The following PAMR1 variants were observed in gnomAD, a reference collection of about 807,000 sequenced individuals.
PAMR1 encodes the protein peptidase domain containing associated with muscle regeneration 1, also known as inactive serine protease PAMR1.
Under a neutral mutation model 81.8 loss-of-function variants are expected in PAMR1, and 88 were observed. The ratio of observed to expected loss-of-function variants is 1.08; its 90% CI spans 0.91 to 1.28. PAMR1 has a LOEUF of 1.28. Among genes scored for constraint, PAMR1 ranks in the 50% most tolerant of loss-of-function variants. PAMR1 has a pLI of 0.00. For missense variants in PAMR1, 935 were observed against 919.7 expected, an observed-to-expected ratio of 1.02 and a Z score of -0.21; for synonymous variants, 336 against 345.3, an observed-to-expected ratio of 0.97 and a Z score of 0.30.
chr11:35,523,525 C>T (rs954053979), intron 1 of PAMR1, among the ~76,000 whole-genome samples: 4 of 152,230 alleles, frequency 2.6e-5, no homozygotes, highest in Non-Finnish European at 5.9e-5. Context: ...ATCCTCCCAA[C>T]ATGTGTCACA....
At chr11:35,453,341 T>A (rs1296425167) in intron 6 of PAMR1, 2 of 152,262 alleles carry the variant, frequency 1.3e-5, no homozygotes, top group East Asian at 1.9e-4. Context: ...CCTGGTAATG[T>A]CTACCCACGA....
chr11:35,473,823 A>T (rs1850234474), intron 4 of PAMR1, among the ~76,000 whole-genome samples: 1 of 152,172 alleles, frequency 6.6e-6, no homozygotes, highest in Non-Finnish European at 1.5e-5. Context: ...GTTCACTGTC[A>T]CCACAGGGTT....
intron 4 of PAMR1, 66 bp downstream of exon 4, chr11:35,474,564 A>G: frequency 1.1e-6 from 1 of 879,030 alleles, no homozygotes. Flanking sequence ...AGTGACCAAG[A>G]GCCTTCCATC....
At chr11:35,528,367 T>G (rs1851422886), upstream of PAMR1, among the ~76,000 whole-genome samples, 1 of 152,184 alleles carries the variant, frequency 6.6e-6, no homozygotes, top group Admixed American at 6.5e-5. Flanking sequence ...TACTAACTAG[T>G]CTTATCTCCC....
upstream of PAMR1, chr11:35,525,694 G>C: frequency 4.5e-6 from 4 of 886,946 alleles, no homozygotes; most frequent in Non-Finnish European, 5.4e-6. Flanking sequence ...CAGCTGAGCG[G>C]GAGCTCGGGT....
chr11:35,492,954 G>A (rs1850657619), intron 2 of PAMR1, among the ~76,000 whole-genome samples: 2 of 152,168 alleles, frequency 1.3e-5, no homozygotes, highest in Non-Finnish European at 2.9e-5. Flanking sequence ...GTGTGTCCTT[G>A]GGCAAATTGT....
intron 4 of PAMR1, among the ~76,000 whole-genome samples, chr11:35,472,991 A>G (rs1459342879): frequency 6.6e-6 from 1 of 152,128 alleles, no homozygotes; most frequent in East Asian, 1.9e-4. Flanking sequence ...AGCTGGCAGG[A>G]GTGGAAGCCA....
intron 9 of PAMR1, among the ~76,000 whole-genome samples, chr11:35,435,051 A>G (rs889302622): frequency 2.0e-5 from 3 of 152,198 alleles, no homozygotes; most frequent in Admixed American, 6.5e-5. Context: ...CTTACTATCA[A>G]TAGAACTTTG....
chr11:35,457,841 G>A (rs1181033133), intron 6 of PAMR1, among the ~76,000 whole-genome samples: 2 of 152,198 alleles, frequency 1.3e-5, no homozygotes, highest in Non-Finnish European at 2.9e-5. Flanking sequence ...TGTGGAGCAT[G>A]TCTCATCATT....
chr11:35,498,057 T>C (rs1406982521), intron 1 of PAMR1, among the ~76,000 whole-genome samples: 1 of 152,198 alleles, frequency 6.6e-6, no homozygotes, highest in Non-Finnish European at 1.5e-5. Flanking sequence ...TGCAAGTTCT[T>C]GTTTACATCA....
At chr11:35,439,399 C>G (rs1010886162) in intron 8 of PAMR1, among the ~76,000 whole-genome samples, 2 of 152,226 alleles carry the variant, frequency 1.3e-5, no homozygotes, top group Non-Finnish European at 2.9e-5. Flanking sequence ...TACTTTCCCA[C>G]GATCCAGTGA....
chr11:35,501,744 T>C (rs893648531), intron 1 of PAMR1, among the ~76,000 whole-genome samples: 4 of 152,312 alleles, frequency 2.6e-5, no homozygotes, highest in East Asian at 1.9e-4. Context: ...TCTATCCATG[T>C]AGCTGCAAAT....
At chr11:35,476,927 C>A (rs1565343729) in intron 3 of PAMR1, among the ~76,000 whole-genome samples, 1 of 152,000 alleles carries the variant, frequency 6.6e-6, no homozygotes, top group Admixed American at 6.6e-5. Context: ...TTTTCTAAAC[C>A]TAGAAGGCTC....
At chr11:35,457,976 G>T (rs1225880957) in intron 6 of PAMR1, among the ~76,000 whole-genome samples, 1 of 152,130 alleles carries the variant, frequency 6.6e-6, no homozygotes, top group Non-Finnish European at 1.5e-5. Context: ...AGGAGCCTGT[G>T]CACCCTGAGA....
chr11:35,451,387 G>A lies in PAMR1; in HGVS notation c.821-9694C>T, dbSNP rs187358880. ...AGGACATACAAACACCTCTGCCCAA[G>A]GAATATAGCTATATTTCCATAATGC... is the stretch of plus-strand genomic sequence containing the variant. On this transcript the variant is annotated intron_variant, in intron 6 of 10. Transcript: ENST00000619888. Among the ~76,000 whole-genome samples the A allele has an allele frequency of 2.8e-4, 42 of 152,296 alleles. 4 individuals are homozygous for A. The highest frequency in any genetic ancestry group is 9.9e-4 in the African/African-American group (41 of 41,562).
intron 3 of PAMR1, 118 bp from the exon 4 acceptor site, chr11:35,474,862 A>G: frequency 1.6e-6 from 1 of 643,330 alleles, no homozygotes; most frequent in Non-Finnish European, 2.7e-6. Flanking sequence ...ATGAATAGGG[A>G]AAAGGAAGAA....
chr11:35,494,102 G>A lies in PAMR1; in HGVS notation c.244C>T (p.His82Tyr), dbSNP rs367708683. ...TCTCCCATTCCACACTCACCTGGGT[G>A]GATCAGGCAGGAGTCACACTCATTC... ...EENECDSCLIHPGCTIFENCK... is the reference protein window; with the variant it reads ...EENECDSCLIYPGCTIFENCK... Residue 82 changes from histidine (H) to tyrosine (Y), a missense_variant, in exon 2 of 11, where the codon CAC becomes TAC. By Grantham distance (83) the His-to-Tyr change is moderately conservative (BLOSUM62 2). Coordinates refer to ENST00000619888, the MANE Select transcript of PAMR1 (RefSeq NM_001001991.3). 8.1e-6 allele frequency: 13 copies of A among 1,613,454 alleles called. No homozygotes were observed. In the African/African-American group the frequency reaches 1.6e-4, roughly 20 times the overall value.
chr11:35,501,315 T>C (rs1850836326), intron 1 of PAMR1, among the ~76,000 whole-genome samples: 3 of 151,708 alleles, frequency 2.0e-5, no homozygotes. Context: ...ATTATTTTTG[T>C]AGAGACAGGG....
chr11:35,478,144 T>A (rs192626701), intron 3 of PAMR1, among the ~76,000 whole-genome samples: 21 of 152,300 alleles, frequency 1.4e-4, no homozygotes, highest in African/African-American at 4.8e-4. Context: ...ATATGGAAGC[T>A]GGAAGCAGCC....
Sources: gnomAD v4.1 joint callset for allele counts (sites outside exome capture counted in the v4.1 genomes callset) on GRCh38, gnomAD v4.1.1 for gene constraint, MANE v1.5 for transcripts, NCBI Gene and HGNC (gene_info 2026-07-23, HGNC 2026-07-21) for gene names.